ZIK1: variants seen among roughly 807,000 people sequenced by gnomAD.
ZIK1 encodes the protein zinc finger protein interacting with K protein 1, also known as zinc finger protein interacting with ribonucleoprotein K.
Under a neutral mutation model 10.7 loss-of-function variants are expected in ZIK1, and 12 were observed. The observed-to-expected ratio is 1.12, with a 90% CI of 0.72 to 1.81. The LOEUF is 1.81. Ranked by LOEUF, ZIK1 falls within the 40% of genes most tolerant of loss-of-function variation. The probability of loss-of-function intolerance (pLI) is 0.00; values close to 1 mark genes in which losing one functional copy is unlikely to be tolerated. For synonymous variants in ZIK1, 190 were observed against 205.0 expected (o/e 0.93, Z 0.63); for missense variants, 497 against 585.7 (o/e 0.85, Z 1.56).
At chr19:57,588,459 C>T (rs1277062874) in intron 2 of ZIK1, 80 bp from the exon 3 acceptor site, 1 of 1,342,182 alleles carries the variant, frequency 7.5e-7, no homozygotes, top group African/African-American at 1.5e-5. Flanking sequence ...GCCTGTATTT[C>T]CTTAAGGTGG....
At position 57,584,186 on chromosome 19, in the gene ZIK1, T is replaced by C; in HGVS notation, c.-171T>C. ...GCAGCGCTTGGGTGCATCCAGACCG[T>C]CAGAGCTTTGGGAGCGCTTTGTTTG... On this transcript the variant is annotated 5_prime_UTR_variant, in exon 1 of 4. Coordinates refer to ENST00000597850, the MANE Select transcript of ZIK1 (RefSeq NM_001010879.4). 7.7e-7 allele frequency: 1 copy of C among 1,305,852 alleles called. No homozygotes were observed. The highest frequency in any genetic ancestry group is 1.0e-6 in the Non-Finnish European group (1 of 981,216). The allele number at this position is 1,305,852 out of a possible 1,614,324, so 80.9% of individuals were successfully genotyped here. A position where few individuals can be genotyped will look rare whatever the true frequency, so the allele number is the denominator to read the frequency against.
chr19:57,591,380 A>C lies in ZIK1; in HGVS notation c.*105A>C. Reference sequence around the variant, plus strand: ...AAGTAGAGCCTTAGACCTACAGGGAAAGTGCTGTCTCTGTAGTATTGTAGC... The same window carrying C: ...AAGTAGAGCCTTAGACCTACAGGGACAGTGCTGTCTCTGTAGTATTGTAGC... On this transcript the variant is annotated 3_prime_UTR_variant, in exon 4 of 4. Transcript: ENST00000597850. 3 of 1,158,320 alleles carry C rather than the reference A, an allele frequency of 2.6e-6. No individual in the cohort carries two copies. Among genetic ancestry groups the C allele is most frequent in the Non-Finnish European group, 3.6e-6 (3 of 827,718 alleles). The allele number at this position is 1,158,320 out of a possible 1,614,324, so 71.8% of individuals were successfully genotyped here. A position where few individuals can be genotyped will look rare whatever the true frequency, so the allele number is the denominator to read the frequency against.
At position 57,588,583 on chromosome 19, in the gene ZIK1, C is replaced by T. The variant is rs556730573; in HGVS notation, c.117C>T (p.Asp39=). The part of the protein sequence containing the change: ...FEDIAIYFSQ[D]EWGLLDEAQR... ...ACATCGCCATTTACTTCTCACAGGA[C>T]GAGTGGGGACTTCTTGATGAGGCTC... The change falls in exon 3 of 4, where the codon GAC becomes GAT. Residue 39 remains aspartate, a synonymous_variant. Coordinates refer to ENST00000597850, the MANE Select transcript of ZIK1 (RefSeq NM_001010879.4). 36 of 1,580,368 alleles carry T rather than the reference C, an allele frequency of 2.3e-5. No individual in the cohort carries two copies. Among genetic ancestry groups the T allele is most frequent in the Admixed American group, 5.2e-5 (3 of 57,914 alleles).
rs899866065 is a variant in ZIK1 at position 57,591,451 on chromosome 19, C to T, written c.*176C>T. The stretch of plus-strand genomic sequence containing the variant: ...GAGCCATCTGCCTGAAGTTGAACCT[C>T]ATTCTTCCTTGTTTCTCTGGTAGAA... On this transcript the variant is annotated 3_prime_UTR_variant, in exon 4 of 4. Transcript: ENST00000597850. 9 of 650,706 alleles carry T rather than the reference C, an allele frequency of 1.4e-5. No individual in the cohort carries two copies. The highest frequency in any genetic ancestry group is 2.3e-5 in the Non-Finnish European group (9 of 387,398). 40.3% of individuals were successfully genotyped at this position (650,706 alleles called of 1,614,324 possible).
At chr19:57,587,212 A>G (rs962193925) in intron 2 of ZIK1, among the ~76,000 whole-genome samples, 10 of 152,196 alleles carry the variant, frequency 6.6e-5, no homozygotes, top group African/African-American at 2.4e-4. Context: ...TGGGAACTAC[A>G]ATTCAAGAAG....
At chr19:57,589,546 CATA>C in intron 3 of ZIK1, 1 of 985,412 alleles carries the variant, frequency 1.0e-6, no homozygotes, top group Non-Finnish European at 1.2e-6. Context: ...TTGACACACA[CATA>C]ATGTCTCATG....
chr19:57,588,504 G>A (rs183414217), intron 2 of ZIK1, 35 bp from the exon 3 acceptor site: 49 of 1,401,266 alleles, frequency 3.5e-5, no homozygotes, highest in Admixed American at 3.2e-4. Context: ...TTGTGGAGGC[G>A]TTGATTGTGG....
In ZIK1 at chr19:57,592,077, G is replaced by C. The variant is rs1200827027; in HGVS notation, c.*802G>C. 1 of 152,188 alleles carries C rather than the reference G, an allele frequency of 6.6e-6. No individual in the cohort carries two copies. The highest frequency in any genetic ancestry group is 2.4e-5 in the African/African-American group (1 of 41,426). 9.4% of individuals were successfully genotyped at this position (152,188 alleles called of 1,614,324 possible). A position where few individuals can be genotyped will look rare whatever the true frequency, so the allele number is the denominator to read the frequency against. On this transcript the variant is annotated 3_prime_UTR_variant, in exon 4 of 4. Transcript: ENST00000597850. ...CTGTGAGACTAGAGGTCATCCTGAG[G>C]AGAGGCCAGCTGTTATGACAAGCAT...
intron 1 of ZIK1, chr19:57,584,683 T>G (rs1305756236): frequency 7.4e-7 from 1 of 1,344,334 alleles, no homozygotes; most frequent in Non-Finnish European, 9.6e-7. Flanking sequence ...CGGCATATGG[T>G]CTGAGTTAGG....
intron 2 of ZIK1, among the ~76,000 whole-genome samples, chr19:57,587,899 G>A (rs1188199751): frequency 1.3e-5 from 2 of 152,092 alleles, no homozygotes; most frequent in African/African-American, 4.8e-5. Flanking sequence ...TTTTGAATGA[G>A]GGTTAAGAGG....
At chr19:57,586,097 C>A (rs752497111) in intron 2 of ZIK1, among the ~76,000 whole-genome samples, 1 of 152,008 alleles carries the variant, frequency 6.6e-6, no homozygotes, top group Non-Finnish European at 1.5e-5. Context: ...TGAGATATTC[C>A]AAAGAATGAT....
At position 57,588,602 on chromosome 19, in the gene ZIK1, G is replaced by T; in HGVS notation, c.136G>T (p.Glu46Ter). The T allele has an allele frequency of 6.3e-7, 1 of 1,588,698 alleles. No homozygotes were observed. The highest frequency in any genetic ancestry group is 8.6e-7 in the Non-Finnish European group (1 of 1,165,024). The stretch of plus-strand genomic sequence containing the variant: ...ACAGGACGAGTGGGGACTTCTTGAT[G>T]AGGCTCAGAGACTCCTGTACCTTGA... ...FSQDEWGLLD[E>*]AQRLLYLEVM... The change falls in exon 3 of 4, where the codon GAG becomes TAG. Residue 46 changes from glutamate (E) to a stop codon, truncating the protein, a stop_gained. Coordinates refer to ENST00000597850, the MANE Select transcript of ZIK1 (RefSeq NM_001010879.4). LOFTEE classifies it high-confidence loss of function.
rs766265107 is a variant in ZIK1 at position 57,591,071 on chromosome 19, C to G, written c.1260C>G (p.Ser420=). 3.0e-5 allele frequency: 48 copies of G among 1,613,924 alleles called. No homozygotes were observed. Among genetic ancestry groups the G allele is most frequent in the Non-Finnish European group, 3.7e-5 (44 of 1,179,986 alleles). ...GTGGGAAATCCTTTAGTCAAAGCTC[C>G]ATCCTTATTCAACACCGGAGAATTC... is the stretch of plus-strand genomic sequence containing the variant. ...GDCGKSFSQS[S]ILIQHRRIHT... Residue 420 remains serine, a synonymous_variant, in exon 4 of 4, where the codon TCC becomes TCG. Transcript: ENST00000597850.
At position 57,591,199 on chromosome 19, in the gene ZIK1, A is replaced by T; in HGVS notation, c.1388A>T (p.Tyr463Phe). ...HQVVHTGERP[Y>F]ECNKCGNSFS... is the part of the protein sequence containing the mutation. Reference sequence around the variant, plus strand: ...GTGGTTCACACTGGAGAAAGGCCTTATGAGTGCAACAAATGTGGGAATTCC... The same window carrying T: ...GTGGTTCACACTGGAGAAAGGCCTTTTGAGTGCAACAAATGTGGGAATTCC... The change falls in exon 4 of 4, where the codon TAT becomes TTT. Residue 463 changes from tyrosine (Y) to phenylalanine (F), a missense_variant. Physicochemically the swap from Tyr to Phe is conservative, Grantham distance 22. Transcript: ENST00000597850. 1 of 1,614,224 alleles carries T rather than the reference A, an allele frequency of 6.2e-7. No homozygotes were observed. The highest frequency in any genetic ancestry group is 1.7e-5 in the Admixed American group (1 of 60,034).
At chr19:57,585,070 A>T (rs1599916840) in intron 2 of ZIK1, 80 bp downstream of exon 2, 3 of 1,444,354 alleles carry the variant, frequency 2.1e-6, no homozygotes, top group Middle Eastern at 1.8e-4. Context: ...GCCACCATCC[A>T]GTTCTTTGAC....
rs1387895948 is a variant in ZIK1 at position 57,592,248 on chromosome 19, AGAC to A, written c.*974_*976del. The A allele has an allele frequency of 6.6e-6, 1 of 152,142 alleles. No individual in the cohort carries two copies. Among genetic ancestry groups the A allele is most frequent in the African/African-American group, 2.4e-5 (1 of 41,430 alleles). The allele number at this position is 152,142 out of a possible 1,614,324, so 9.4% of individuals were successfully genotyped here. A position where few individuals can be genotyped will look rare whatever the true frequency, so the allele number is the denominator to read the frequency against. On this transcript the variant is annotated 3_prime_UTR_variant, in exon 4 of 4. Transcript: ENST00000597850. Reference sequence around the variant, plus strand: ...ATTCCATAGGCCGATGTCACGCAGAAGACAACGCGAGTCACATGTGAACTGTAA... The same window carrying A: ...ATTCCATAGGCCGATGTCACGCAGAAAACGCGAGTCACATGTGAACTGTAA...
chr19:57,584,257 T>C lies in ZIK1; in HGVS notation c.-100T>C. 2 of 1,499,016 alleles carry C rather than the reference T, an allele frequency of 1.3e-6. No homozygotes were observed. Among genetic ancestry groups the C allele is most frequent in the South Asian group, 2.5e-5 (2 of 79,588 alleles). 92.9% of individuals were successfully genotyped at this position (1,499,016 alleles called of 1,614,324 possible). On this transcript the variant is annotated 5_prime_UTR_variant, in exon 1 of 4. Transcript: ENST00000597850. Reference sequence around the variant, plus strand: ...GGGGAGGGGTCCTCCCGCTGAACAGTGGGGGTTCTAAGGGTCGGCGGCGGC... The same window carrying C: ...GGGGAGGGGTCCTCCCGCTGAACAGCGGGGGTTCTAAGGGTCGGCGGCGGC...
At chr19:57,587,604 G>A (rs1178878601) in intron 2 of ZIK1, among the ~76,000 whole-genome samples, 4 of 152,204 alleles carry the variant, frequency 2.6e-5, no homozygotes, top group African/African-American at 9.6e-5. Context: ...CTGGCACTCT[G>A]ATCTCAGGCT....
chr19:57,586,002 G>A (rs963941712), intron 2 of ZIK1, among the ~76,000 whole-genome samples: 3 of 151,700 alleles, frequency 2.0e-5, no homozygotes, highest in Admixed American at 1.3e-4. Flanking sequence ...CAAAGTGCTG[G>A]GATTACAGGC....
Sources: allele counts gnomAD v4.1 joint callset (sites outside exome capture counted in the v4.1 genomes callset), GRCh38; gene constraint gnomAD v4.1.1; transcripts MANE v1.5; gene names NCBI Gene and HGNC (gene_info 2026-07-23, HGNC 2026-07-21).